Variants in TDRD3 observed in about 807,000 individuals in gnomAD.
TDRD3 encodes tudor domain-containing protein 3.
A neutral mutation model predicts 86.7 loss-of-function variants in TDRD3; 45 were observed. The ratio of observed to expected loss-of-function variants is 0.52; its 90% CI spans 0.41 to 0.67. TDRD3 has a LOEUF of 0.67. TDRD3 is among the 30% of genes least tolerant of loss of function. The pLI is 0.00. For synonymous variants in TDRD3, 298 were observed against 301.7 expected (o/e 0.99, Z 0.13); for missense variants, 814 against 889.0 (o/e 0.92, Z 1.07).
intron 3 of TDRD3, among the ~76,000 whole-genome samples, chr13:60,450,652 G>A (rs910173297): frequency 2.6e-5 from 4 of 152,012 alleles, no homozygotes; most frequent in Non-Finnish European, 2.9e-5. Context: ...TTAATCAGAC[G>A]GTGTCTGAAT....
chr13:60,521,631 C>T (rs952895584), intron 10 of TDRD3, among the ~76,000 whole-genome samples: 1 of 152,154 alleles, frequency 6.6e-6, no homozygotes. Flanking sequence ...TGCGGTGGCT[C>T]ACGCCTGTAA....
At chr13:60,431,643 A>T (rs866875301) in intron 1 of TDRD3, among the ~76,000 whole-genome samples, 27 of 140,868 alleles carry the variant, frequency 1.9e-4, no homozygotes, top group South Asian at 9.1e-4. Context: ...GTAATTAAAA[A>T]TTTTTTTTTG....
intron 8 of TDRD3, among the ~76,000 whole-genome samples, chr13:60,508,295 G>T (rs1423891620): frequency 6.6e-6 from 1 of 152,088 alleles, no homozygotes; most frequent in African/African-American, 2.4e-5. Flanking sequence ...GACCAAAAAG[G>T]AGCCCATGTA....
intron 5 of TDRD3, among the ~76,000 whole-genome samples, chr13:60,468,014 G>A (rs1217085698): frequency 1.3e-5 from 2 of 151,770 alleles, no homozygotes; most frequent in Non-Finnish European, 2.9e-5. Context: ...CTGGACTGCT[G>A]TATTAGCCTT....
chr13:60,565,110 C>CGGA (rs1189695595), intron 12 of TDRD3, among the ~76,000 whole-genome samples: 2 of 129,720 alleles, frequency 1.5e-5, no homozygotes, highest in Non-Finnish European at 3.1e-5. Flanking sequence ...GGCCGGAGTG[C>CGGA]CGTGGCACTG....
chr13:60,481,115 T>C (rs1956304088), intron 5 of TDRD3, among the ~76,000 whole-genome samples: 1 of 152,108 alleles, frequency 6.6e-6, no homozygotes. Context: ...CAGTGGGGGC[T>C]GCACTGCTTG....
chr13:60,481,858 A>G (rs1157816718), intron 5 of TDRD3, among the ~76,000 whole-genome samples: 2 of 152,094 alleles, frequency 1.3e-5, no homozygotes, highest in African/African-American at 2.4e-5. Context: ...TTTTCCTTTA[A>G]TGAGTATAAG....
At position 60,400,125 on chromosome 13, in the gene TDRD3, T is replaced by G. The variant is rs542724318; in HGVS notation, c.41+2720T>G. Among the ~76,000 whole-genome samples the G allele has an allele frequency of 3.1e-4, 47 of 152,248 alleles. 1 individual carries two copies. In the South Asian group the frequency reaches 9.7e-3, roughly 32 times the overall value. ...CTACAGAGTAGTGATAATGTTTAAA[T>G]AATGCACTAAATGGTACCTTGTAAA... On this transcript the variant is annotated intron_variant, in intron 1 of 13. Coordinates refer to ENST00000377881, the MANE Select transcript of TDRD3 (RefSeq NM_001146070.2).
chr13:60,479,763 G>C (rs1267004641), intron 5 of TDRD3, among the ~76,000 whole-genome samples: 1 of 152,050 alleles, frequency 6.6e-6, no homozygotes, highest in Non-Finnish European at 1.5e-5. Context: ...TTCTTTCCTT[G>C]TGCTTCTTAA....
rs564606782 is a variant in TDRD3 at position 60,404,036 on chromosome 13, C to A, written c.41+6631C>A. Among the ~76,000 whole-genome samples, 11 of 152,280 alleles carry A rather than the reference C, an allele frequency of 7.2e-5. No individual in the cohort carries two copies. The South Asian group carries it at 1.0e-3, about 14-fold the overall frequency. Reference sequence around the variant, plus strand: ...ATGATATACACTGTTATTTTACTTGCAAGATTTTGTTGAAACACATCTGAG... The same window carrying A: ...ATGATATACACTGTTATTTTACTTGAAAGATTTTGTTGAAACACATCTGAG... On this transcript the variant is annotated intron_variant, in intron 1 of 13. Transcript: ENST00000377881.
chr13:60,545,044 G>A (rs557543379), intron 12 of TDRD3, among the ~76,000 whole-genome samples: 1 of 152,232 alleles, frequency 6.6e-6, no homozygotes, highest in South Asian at 2.1e-4. Context: ...TAATATGATA[G>A]CTTTTCAACA....
chr13:60,521,065 C>G (rs181811864), intron 10 of TDRD3, among the ~76,000 whole-genome samples: 19 of 152,324 alleles, frequency 1.2e-4, no homozygotes, highest in African/African-American at 1.9e-4. Context: ...TCAGTGTTCT[C>G]TAGTGCAAAT....
chr13:60,488,252 C>A (rs1603205), intron 7 of TDRD3, among the ~76,000 whole-genome samples: 69,640 of 151,930 alleles, frequency 0.46, 16,347 homozygotes, highest in South Asian at 0.54. Context: ...GGAAGCAATT[C>A]TGATGAATGA....
chr13:60,397,299 T>G lies in TDRD3; in HGVS notation c.-66T>G. On this transcript the variant is annotated 5_prime_UTR_variant, in exon 1 of 14. Transcript: ENST00000377881. ...TTTTTTTTTTTTAAGGGGGGGGGTC[T>G]CAAGTAGGAGGCCTCCCCATCACCC... 1 of 765,108 alleles carries G rather than the reference T, an allele frequency of 1.3e-6. No homozygotes were observed. The highest frequency in any genetic ancestry group is 1.9e-6 in the Non-Finnish European group (1 of 525,226). The allele number at this position is 765,108 out of a possible 1,614,324, so 47.4% of individuals were successfully genotyped here.
chr13:60,398,266 T>C lies in TDRD3; in HGVS notation c.41+861T>C, dbSNP rs565787359. Among the ~76,000 whole-genome samples the C allele has an allele frequency of 8.5e-5, 13 of 152,240 alleles. No individual in the cohort carries two copies. In the South Asian group the frequency reaches 2.3e-3, roughly 27 times the overall value. On this transcript the variant is annotated intron_variant, in intron 1 of 13. Transcript: ENST00000377881. ...AAAGATTTGCAACGGCTCTCTGCAATTACTGCTTTAGGAGAAAGAGTGAGG... is the reference window on the plus strand; with the variant it reads ...AAAGATTTGCAACGGCTCTCTGCAACTACTGCTTTAGGAGAAAGAGTGAGG...
intron 3 of TDRD3, among the ~76,000 whole-genome samples, chr13:60,446,186 A>T (rs112168241): frequency 6.6e-6 from 1 of 152,094 alleles, no homozygotes; most frequent in Admixed American, 6.6e-5. Flanking sequence ...CCAACACAAT[A>T]TTAATAAACT....
chr13:60,402,577 A>G (rs1954128293), intron 1 of TDRD3, among the ~76,000 whole-genome samples: 1 of 152,136 alleles, frequency 6.6e-6, no homozygotes, highest in Non-Finnish European at 1.5e-5. Context: ...CCTTTAAAGT[A>G]AGTCACATGT....
intron 1 of TDRD3, among the ~76,000 whole-genome samples, chr13:60,420,957 A>C (rs949508485): frequency 6.6e-6 from 1 of 152,152 alleles, no homozygotes; most frequent in Non-Finnish European, 1.5e-5. Flanking sequence ...AAAAAAGAAA[A>C]TCTGTTGACC....
chr13:60,525,271 T>G (rs960162801), intron 10 of TDRD3, among the ~76,000 whole-genome samples: 6 of 145,778 alleles, frequency 4.1e-5, no homozygotes, highest in African/African-American at 1.5e-4. Context: ...CCTCCCGGGT[T>G]CAAGCAATTC....
Sources: gnomAD v4.1 joint callset for allele counts (sites outside exome capture counted in the v4.1 genomes callset) on GRCh38, gnomAD v4.1.1 for gene constraint, MANE v1.5 for transcripts, NCBI Gene and HGNC (gene_info 2026-07-23, HGNC 2026-07-21) for gene names.